Variants in SLC37A2 observed in about 807,000 individuals in gnomAD.
The protein encoded by SLC37A2 is solute carrier family 37 member 2.
A neutral mutation model predicts 70.7 loss-of-function variants in SLC37A2; 59 were observed. The ratio of observed to expected loss-of-function variants is 0.83; its 90% CI spans 0.68 to 1.04. The LOEUF is 1.04. Among genes scored for constraint, SLC37A2 ranks in the 50% least tolerant of loss-of-function variants. The pLI, the probability that SLC37A2 is intolerant of heterozygous loss-of-function variation, is 0.00. For synonymous variants in SLC37A2, 257 were observed against 262.1 expected (o/e 0.98, Z 0.19); for missense variants, 580 against 658.1 (o/e 0.88, Z 1.30).
intron 2 of SLC37A2, 59 bp downstream of exon 2, chr11:125,076,897 C>T: frequency 6.4e-7 from 1 of 1,552,978 alleles, no homozygotes; most frequent in South Asian, 1.1e-5. Context: ...CCGTCCTTAC[C>T]CCTTCCCATG....
At chr11:125,084,021 A>C (rs11219893) in intron 11 of SLC37A2, 144 bp downstream of exon 11, 576,651 of 917,456 alleles carry the variant, frequency 0.63, 187,039 homozygotes, top group African/African-American at 0.91. Context: ...CTCAGCTCTG[A>C]TCCTGCCTGG....
rs1297218857 is a variant in SLC37A2 at position 125,063,970 on chromosome 11, GC to G, written c.59+548del. Among the ~76,000 whole-genome samples the G allele has an allele frequency of 6.6e-6, 1 of 152,216 alleles. No homozygotes were observed. The highest frequency in any genetic ancestry group is 2.4e-5 in the African/African-American group (1 of 41,454). ...ACAGCTCTCAGAGCAGAGCAGGGCAGCCCCTCGGCAGTGGGAGAAGGGCTTC... is the reference window on the plus strand; with the variant it reads ...ACAGCTCTCAGAGCAGAGCAGGGCAGCCCTCGGCAGTGGGAGAAGGGCTTC... On this transcript the variant is annotated intron_variant, in intron 1 of 17. Coordinates refer to ENST00000403796, the MANE Select transcript of SLC37A2 (RefSeq NM_001145290.2). This position sits in a 1 kb window ranked among gnomAD's most constrained non-coding sequence, Gnocchi z 5.4.
intron 3 of SLC37A2, 57 bp from the exon 4 acceptor site, chr11:125,077,393 G>A (rs943159331): frequency 1.3e-6 from 2 of 1,596,178 alleles, no homozygotes; most frequent in Non-Finnish European, 1.7e-6. Context: ...GTCCAGGGAG[G>A]GCTTCCTGCA....
intron 1 of SLC37A2, among the ~76,000 whole-genome samples, chr11:125,071,172 G>A (rs375393021): frequency 2.5e-3 from 388 of 152,226 alleles, no homozygotes; most frequent in African/African-American, 8.0e-3. Context: ...TCTCCTGTTG[G>A]CTTCTGGCTC....
chr11:125,065,173 A>G (rs913235237), intron 1 of SLC37A2, among the ~76,000 whole-genome samples: 3 of 152,218 alleles, frequency 2.0e-5, no homozygotes, highest in Middle Eastern at 3.2e-3. Context: ...CTGGCGGACT[A>G]TGTGCTAGAC....
chr11:125,087,959 A>C, intron 17 of SLC37A2, 160 bp from the exon 18 acceptor site: 1 of 754,622 alleles, frequency 1.3e-6, no homozygotes, highest in Non-Finnish European at 2.2e-6. Context: ...CTAGCTTGCT[A>C]TTTCCTGCCT....
Position 125,088,276 on chromosome 11 carries a change from G to A in SLC37A2, c.*142G>A. On this transcript the variant is annotated 3_prime_UTR_variant, in exon 18 of 18. Transcript: ENST00000403796. ...TAGCCAGCCCAGCCCAGACCCCAGG[G>A]CTGCCTAAGGACACAGAGATTCTCC... The A allele has an allele frequency of 1.1e-6, 1 of 904,540 alleles. No homozygotes were observed. The highest frequency in any genetic ancestry group is 2.7e-5 in the East Asian group (1 of 37,634). 56.0% of individuals were successfully genotyped at this position (904,540 alleles called of 1,614,324 possible). A position where few individuals can be genotyped will look rare whatever the true frequency, so the allele number is the denominator to read the frequency against.
rs749361924 is a variant in SLC37A2, at chr11:125,086,000, C to T, written c.1472C>T (p.Ser491Phe). The T allele has an allele frequency of 3.2e-5, 51 of 1,614,164 alleles. No individual in the cohort carries two copies. The highest frequency in any genetic ancestry group is 4.3e-5 in the Non-Finnish European group (51 of 1,180,020). Reference sequence around the variant, plus strand: ...AAAGAGATCTTGGCCTGGAAGGTGTCCCTGAGCAGAGGCAGCGGGTGAGTC... The same window carrying T: ...AAAGAGATCTTGGCCTGGAAGGTGTTCCTGAGCAGAGGCAGCGGGTGAGTC... ...VYKEILAWKV[S>F]LSRGSGYKEI Residue 491 changes from serine to phenylalanine, a missense_variant, in exon 17 of 18, where the codon TCC becomes TTC. Coordinates refer to ENST00000403796, the MANE Select transcript of SLC37A2 (RefSeq NM_001145290.2).
intron 1 of SLC37A2, among the ~76,000 whole-genome samples, chr11:125,075,317 A>G (rs1949071701): frequency 6.6e-6 from 1 of 152,238 alleles, no homozygotes; most frequent in South Asian, 2.1e-4. Flanking sequence ...CATGAGCCAT[A>G]TGGCAACAGG....
At chr11:125,064,001 A>T (rs1194696887) in intron 1 of SLC37A2, among the ~76,000 whole-genome samples, 1 of 152,056 alleles carries the variant, frequency 6.6e-6, no homozygotes, top group Non-Finnish European at 1.5e-5. Flanking sequence ...GGCTTCACAG[A>T]GGTTCTCTTC....
chr11:125,076,189 G>A (rs973133112), intron 1 of SLC37A2, among the ~76,000 whole-genome samples: 11 of 152,256 alleles, frequency 7.2e-5, no homozygotes, highest in Admixed American at 4.6e-4. Flanking sequence ...TGGGATGGAC[G>A]GACTGGGACT....
In SLC37A2 at chr11:125,088,501, T is replaced by C. The variant is rs3802809; in HGVS notation, c.*367T>C. On this transcript the variant is annotated 3_prime_UTR_variant, in exon 18 of 18. Transcript: ENST00000403796. ...ACGCCTGGAAAATGGGCATCTCTCCTTCCCATGTTAAGCTTTAACCTCTGT... is the reference window on the plus strand; with the variant it reads ...ACGCCTGGAAAATGGGCATCTCTCCCTCCCATGTTAAGCTTTAACCTCTGT... 182,966 of 234,680 alleles carry C rather than the reference T, an allele frequency of 0.78. 71,773 individuals carry two copies. Among genetic ancestry groups the C allele is most frequent in the African/African-American group, 0.88 (39,219 of 44,650 alleles). 14.5% of individuals were successfully genotyped at this position (234,680 alleles called of 1,614,324 possible). A position where few individuals can be genotyped will look rare whatever the true frequency, so the allele number is the denominator to read the frequency against.
In SLC37A2 at chr11:125,063,495, G is replaced by A; in HGVS notation, c.59+69G>A. 6.9e-7 allele frequency: 1 copy of A among 1,444,220 alleles called. No homozygotes were observed. The highest frequency in any genetic ancestry group is 2.4e-5 in the East Asian group (1 of 41,792). The allele number at this position is 1,444,220 out of a possible 1,614,324, so 89.5% of individuals were successfully genotyped here. On this transcript the variant is annotated intron_variant, in intron 1 of 17. Coordinates refer to ENST00000403796, the MANE Select transcript of SLC37A2 (RefSeq NM_001145290.2). The surrounding 1 kb of genome is among the most constrained non-coding windows in gnomAD (Gnocchi z 5.4). The stretch of plus-strand genomic sequence containing the variant: ...TCGGGGCTTGCAGGGGCCGCGGGGG[G>A]CCTCGGAGATCACCCCAGATCGGCC...
intron 1 of SLC37A2, among the ~76,000 whole-genome samples, chr11:125,070,291 G>A (rs914347145): frequency 1.1e-4 from 17 of 152,168 alleles, no homozygotes; most frequent in Non-Finnish European, 8.8e-5. Context: ...TTTCACTGCC[G>A]GATCCTGGTG....
intron 1 of SLC37A2, among the ~76,000 whole-genome samples, chr11:125,066,337 G>A (rs1389676863): frequency 1.3e-5 from 2 of 152,196 alleles, no homozygotes; most frequent in African/African-American, 4.8e-5. Context: ...AATAGTGTGG[G>A]ACTGTAGTGC....
At chr11:125,082,645 C>A (rs1274159971) in intron 10 of SLC37A2, among the ~76,000 whole-genome samples, 1 of 152,102 alleles carries the variant, frequency 6.6e-6, no homozygotes, top group African/African-American at 2.4e-5. Context: ...TAGGAGAAAC[C>A]CCCTCCAGGC....
Position 125,077,492 on chromosome 11 carries a change from C to T in SLC37A2, c.278C>T (p.Ala93Val), listed in dbSNP as rs771946939. The T allele has an allele frequency of 2.5e-6, 4 of 1,613,826 alleles. No homozygotes were observed. Among genetic ancestry groups the T allele is most frequent in the Non-Finnish European group, 2.5e-6 (3 of 1,179,916 alleles). Residue 93 changes from alanine to valine, a missense_variant, in exon 4 of 18, where the codon GCC (alanine) becomes GTC (valine). Coordinates refer to ENST00000403796, the MANE Select transcript of SLC37A2 (RefSeq NM_001145290.2). ...GAGTTACTAGGGGGCGTGGACAACG[C>T]CTTCCTCATCGCCTATGCCATCGGC... Reference protein sequence around the residue: ...YKELLGGVDNAFLIAYAIGMF... With the variant: ...YKELLGGVDNVFLIAYAIGMF...
rs78959084 is a variant in SLC37A2, at chr11:125,074,405, C to A, written c.60-2352C>A. 6.5e-3 allele frequency among the ~76,000 whole-genome samples: 993 copies of A among 152,070 alleles called. 68 individuals carry two copies. The East Asian group carries it at 0.17, about 26-fold the overall frequency. On this transcript the variant is annotated intron_variant, in intron 1 of 17. Transcript: ENST00000403796. ...GCTAGTGCTGGATTGTAGCATGGTG[C>A]CTGGTACAGGATGGGCACAGGGATG...
intron 5 of SLC37A2, 76 bp downstream of exon 5, chr11:125,079,323 G>T: frequency 6.3e-7 from 1 of 1,583,300 alleles, no homozygotes; most frequent in Non-Finnish European, 8.6e-7. Flanking sequence ...CTCACAGCGG[G>T]TGGGAGCCTG....
Sources: allele counts gnomAD v4.1 joint callset (sites outside exome capture counted in the v4.1 genomes callset), GRCh38; gene constraint gnomAD v4.1.1; non-coding constraint Gnocchi (gnomAD v3.1); transcripts MANE v1.5; gene names NCBI Gene and HGNC (gene_info 2026-07-23, HGNC 2026-07-21).